Variants in ZFAT observed in about 807,000 individuals in gnomAD.
The protein encoded by ZFAT is zinc finger protein ZFAT.
A neutral mutation model predicts 117.7 loss-of-function variants in ZFAT; 64 were observed. The observed-to-expected ratio is 0.54, with a 90% CI of 0.44 to 0.67. ZFAT has a LOEUF of 0.67. Among genes scored for constraint, ZFAT ranks in the 30% least tolerant of loss-of-function variants. The pLI is 0.00. For missense variants in ZFAT, 1,433 were observed against 1,584.5 expected (o/e 0.90, Z 1.62); for synonymous variants, 679 against 615.0 (o/e 1.10, Z -1.54).
At chr8:134,730,638 C>T in the ZFAT span, among the ~76,000 whole-genome samples, 11 of 152,282 alleles carry the variant, frequency 7.2e-5, no homozygotes, top group Non-Finnish European at 5.9e-5. Flanking sequence ...AAGATGTGTG[C>T]GGACATCTCT....
At chr8:134,750,311 T>TTGAATAGAGAAATACAATGG in the ZFAT span, among the ~76,000 whole-genome samples, 1 of 152,150 alleles carries the variant, frequency 6.6e-6, no homozygotes, top group African/African-American at 2.4e-5. Flanking sequence ...AAATACAATG[T>TTGAATAGAGAAATACAATGG]TTTTTGTATA....
rs71512348 is a variant in ZFAT, at chr8:134,498,320, T to C, written c.3492+11299A>G. On this transcript the variant is annotated intron_variant, in intron 15 of 15. Transcript: ENST00000377838. ...CACACAGAGCCTGATTTTGTAGGGT[T>C]GGGGTGGAGCTGGGATGCCCCCGTT... Among the ~76,000 whole-genome samples the C allele has an allele frequency of 4.9e-3, 694 of 141,000 alleles. 1 individual carries two copies. The highest frequency in any genetic ancestry group is 0.018 in the African/African-American group (652 of 36,162). The allele number at this position is 141,000 out of a possible 152,430, so 92.5% of individuals were successfully genotyped here. A position where few individuals can be genotyped will look rare whatever the true frequency, so the allele number is the denominator to read the frequency against.
intron 11 of ZFAT, among the ~76,000 whole-genome samples, chr8:134,549,284 A>G (rs1822949239): frequency 6.6e-6 from 1 of 152,074 alleles, no homozygotes. Flanking sequence ...TACTAAAAAT[A>G]CAAAAAATTA....
chr8:134,669,561 T>C (rs1048160417), intron 1 of ZFAT, among the ~76,000 whole-genome samples: 3 of 152,262 alleles, frequency 2.0e-5, no homozygotes, highest in South Asian at 2.1e-4. Context: ...CTGAGAGATT[T>C]TGTCACCACT....
At position 134,565,309 on chromosome 8, in the gene ZFAT, C is replaced by A. The variant is rs377659031; in HGVS notation, c.2976+24G>T. The A allele has an allele frequency of 3.1e-6, 5 of 1,611,906 alleles. No individual in the cohort carries two copies. The African/African-American group carries it at 6.7e-5, about 22-fold the overall frequency. On this transcript the variant is annotated intron_variant, in intron 11 of 15. Transcript: ENST00000377838. Reference sequence around the variant, plus strand: ...AACGCCTTTTTTGTCTGAACATCTGCCTTCTTCTCCAGAGCCCTCTTACCT... The same window carrying A: ...AACGCCTTTTTTGTCTGAACATCTGACTTCTTCTCCAGAGCCCTCTTACCT...
At chr8:134,580,452 C>A (rs979335117) in intron 10 of ZFAT, among the ~76,000 whole-genome samples, 12 of 152,198 alleles carry the variant, frequency 7.9e-5, no homozygotes, top group African/African-American at 2.9e-4. Context: ...CCAATGGATT[C>A]AAAGCATGTT....
At chr8:134,505,273 C>T (rs192566708) in intron 15 of ZFAT, among the ~76,000 whole-genome samples, 281 of 152,308 alleles carry the variant, frequency 1.8e-3, no homozygotes, top group Middle Eastern at 0.01. Context: ...CTGGTAAAAG[C>T]AGCTCAAGGT....
intron 1 of ZFAT, among the ~76,000 whole-genome samples, chr8:134,688,069 G>A (rs1034287888): frequency 1.3e-5 from 2 of 152,120 alleles, no homozygotes; most frequent in Admixed American, 6.5e-5. Context: ...GATAACCACA[G>A]CTGCCCTGGT....
intron 12 of ZFAT, among the ~76,000 whole-genome samples, chr8:134,530,530 T>C (rs1348560429): frequency 6.6e-6 from 1 of 152,232 alleles, no homozygotes; most frequent in Non-Finnish European, 1.5e-5. Flanking sequence ...ACTGTTCTCC[T>C]GCCAGAGCAC....
chr8:134,545,289 A>C (rs1188497895), intron 11 of ZFAT, among the ~76,000 whole-genome samples: 1 of 152,158 alleles, frequency 6.6e-6, no homozygotes, highest in Admixed American at 6.5e-5. Context: ...GAGGTGGAGA[A>C]ATGGTTAAGC....
At position 134,676,094 on chromosome 8, in the gene ZFAT, A is replaced by G. The variant is rs1037168159; in HGVS notation, c.20-18357T>C. Among the ~76,000 whole-genome samples the G allele has an allele frequency of 7.9e-5, 12 of 152,260 alleles. No homozygotes were observed. In the East Asian group the frequency reaches 2.3e-3, roughly 29 times the overall value. ...GACAGGATCAAATTCACACATAACA[A>G]TATCAACCTTAAATATAAATGGTCT... On this transcript the variant is annotated intron_variant, in intron 1 of 15. Transcript: ENST00000377838.
chr8:134,555,219 C>T lies in ZFAT; in HGVS notation c.2976+10114G>A, dbSNP rs116742069. Among the ~76,000 whole-genome samples, 1,143 of 151,496 alleles carry T rather than the reference C, an allele frequency of 7.5e-3. 18 individuals are homozygous for T. The highest frequency in any genetic ancestry group is 0.027 in the African/African-American group (1,087 of 40,776). ...GAACTGTGACAATACTTATGAAATG[C>T]TGCTGTCAACCAGAGATGCTCGTTA... On this transcript the variant is annotated intron_variant, in intron 11 of 15. Transcript: ENST00000377838.
chr8:134,490,033 G>A (rs1005256584), intron 15 of ZFAT, among the ~76,000 whole-genome samples: 21 of 152,084 alleles, frequency 1.4e-4, no homozygotes, highest in African/African-American at 4.6e-4. Flanking sequence ...AGACCAGAGC[G>A]CCCCAGTCCT....
At chr8:134,618,872 G>C (rs144304636) in intron 3 of ZFAT, among the ~76,000 whole-genome samples, 2 of 152,280 alleles carry the variant, frequency 1.3e-5, no homozygotes, top group East Asian at 3.9e-4. Flanking sequence ...TAATACCTTA[G>C]TGTACAAAAC....
intron 2 of ZFAT, among the ~76,000 whole-genome samples, chr8:134,639,289 A>G (rs1830449621): frequency 6.6e-6 from 1 of 152,192 alleles, no homozygotes; most frequent in Non-Finnish European, 1.5e-5. Context: ...CACCAGAATG[A>G]AGCAAGAGAT....
chr8:134,486,871 G>A (rs115028318), intron 15 of ZFAT, among the ~76,000 whole-genome samples: 1,763 of 152,162 alleles, frequency 0.012, 36 homozygotes, highest in African/African-American at 0.039. Flanking sequence ...GGTGAGGGGC[G>A]TGTGTGAGGG....
At chr8:134,738,924 C>T in the ZFAT span, among the ~76,000 whole-genome samples, 1 of 152,110 alleles carries the variant, frequency 6.6e-6, no homozygotes, top group Non-Finnish European at 1.5e-5. Flanking sequence ...AGCAAGCTTC[C>T]CTAGTCCTTT....
chr8:134,699,353 A>G (rs1376236951), intron 1 of ZFAT, among the ~76,000 whole-genome samples: 1 of 152,210 alleles, frequency 6.6e-6, no homozygotes, highest in Non-Finnish European at 1.5e-5. Context: ...GAGCTAACCC[A>G]CAGCCTGCAG....
chr8:134,534,983 C>G (rs920938476), intron 11 of ZFAT, among the ~76,000 whole-genome samples: 2 of 152,142 alleles, frequency 1.3e-5, no homozygotes, highest in African/African-American at 4.8e-5. Context: ...CTGGGGATGC[C>G]CCCTGCTCAG....
Sources: gnomAD v4.1 joint callset for allele counts (sites outside exome capture counted in the v4.1 genomes callset) on GRCh38, gnomAD v4.1.1 for gene constraint, MANE v1.5 for transcripts, NCBI Gene and HGNC (gene_info 2026-07-23, HGNC 2026-07-21) for gene names.